CATSPERT: variants seen among roughly 807,000 people sequenced by gnomAD.
CATSPERT encodes catsper channel auxiliary subunit tau, also known as cation channel sperm-associated targeting subunit tau.
chr2:201,499,906 T>C, the CATSPERT span, among the ~76,000 whole-genome samples: 1 of 148,004 alleles, frequency 6.8e-6, no homozygotes, highest in Non-Finnish European at 1.5e-5. Flanking sequence ...TTATATATGA[T>C]ATATATATAT....
At chr2:201,521,598 A>G in the CATSPERT span, among the ~76,000 whole-genome samples, 1 of 152,210 alleles carries the variant, frequency 6.6e-6, no homozygotes, top group Non-Finnish European at 1.5e-5. Context: ...TTGACATTAC[A>G]TTTGGGTGGG....
chr2:201,543,315 C>T, the CATSPERT span, among the ~76,000 whole-genome samples: 3 of 152,098 alleles, frequency 2.0e-5, no homozygotes, highest in Admixed American at 1.3e-4. Flanking sequence ...TTTCTCAAGA[C>T]TGTTTTGACT....
the CATSPERT span, among the ~76,000 whole-genome samples, chr2:201,509,933 C>T: frequency 6.6e-6 from 1 of 150,754 alleles, no homozygotes; most frequent in Non-Finnish European, 1.5e-5. Context: ...ATAATATATA[C>T]ATTTAATTTT....
At chr2:201,551,329 G>A in the CATSPERT span, among the ~76,000 whole-genome samples, 1 of 151,154 alleles carries the variant, frequency 6.6e-6, no homozygotes, top group Non-Finnish European at 1.5e-5. Flanking sequence ...TAAAGTACTA[G>A]TCTATTTTAA....
At chr2:201,555,825 AGC>A in the CATSPERT span, 1 of 152,238 alleles carries the variant, frequency 6.6e-6, no homozygotes, top group Non-Finnish European at 1.5e-5. Context: ...GTGTAGTCAC[AGC>A]ACCATTTTCA....
At chr2:201,536,389 A>G in the CATSPERT span, 7 of 1,486,694 alleles carry the variant, frequency 4.7e-6, no homozygotes, top group Non-Finnish European at 6.3e-6. Flanking sequence ...ACAAATTAAG[A>G]AAATGACTCA....
At chr2:201,504,578 T>A in the CATSPERT span, among the ~76,000 whole-genome samples, 1 of 152,220 alleles carries the variant, frequency 6.6e-6, no homozygotes, top group South Asian at 2.1e-4. Context: ...CCCTATTCTC[T>A]GTCACATGCT....
the CATSPERT span, among the ~76,000 whole-genome samples, chr2:201,590,555 G>C: frequency 3.2e-4 from 49 of 151,854 alleles, 1 homozygote; most frequent in African/African-American, 9.4e-4. Flanking sequence ...CCTGAGGAAT[G>C]GCCACACTGA....
At chr2:201,508,757 C>T in the CATSPERT span, among the ~76,000 whole-genome samples, 1 of 151,996 alleles carries the variant, frequency 6.6e-6, no homozygotes, top group African/African-American at 2.4e-5. Flanking sequence ...GTGATGGGCT[C>T]ATTTCACTTA....
At chr2:201,576,106 G>A in the CATSPERT span, among the ~76,000 whole-genome samples, 2 of 152,164 alleles carry the variant, frequency 1.3e-5, no homozygotes, top group Admixed American at 6.5e-5. Context: ...CTTTTTGAAA[G>A]TCTTAAAGGA....
the CATSPERT span, among the ~76,000 whole-genome samples, chr2:201,613,286 C>T: frequency 6.6e-6 from 1 of 152,358 alleles, no homozygotes; most frequent in Non-Finnish European, 1.5e-5. Flanking sequence ...AGTAGCCTAA[C>T]TGGGAGACAC....
chr2:201,503,066 A>C, the CATSPERT span, among the ~76,000 whole-genome samples: 2 of 151,690 alleles, frequency 1.3e-5, no homozygotes, highest in Non-Finnish European at 2.9e-5. Flanking sequence ...TATACCCTCT[A>C]TTTTTTTCCT....
At chr2:201,541,531 T>TCATATA in the CATSPERT span, among the ~76,000 whole-genome samples, 1 of 92,768 alleles carries the variant, frequency 1.1e-5, no homozygotes, top group African/African-American at 4.5e-5. Context: ...TCAGATGATT[T>TCATATA]TATATATATA....
At chr2:201,527,630 A>C in the CATSPERT span, among the ~76,000 whole-genome samples, 1 of 152,180 alleles carries the variant, frequency 6.6e-6, no homozygotes, top group African/African-American at 2.4e-5. Context: ...CTGATTTTTG[A>C]CAAAGTCGAC....
the CATSPERT span, among the ~76,000 whole-genome samples, chr2:201,597,363 T>C: frequency 6.6e-6 from 1 of 152,220 alleles, no homozygotes; most frequent in Non-Finnish European, 1.5e-5. Context: ...CCAACTTATT[T>C]TCAGCCAAGA....
the CATSPERT span, chr2:201,582,145 G>A: frequency 1.2e-5 from 20 of 1,609,230 alleles, no homozygotes; most frequent in South Asian, 6.7e-5. Flanking sequence ...AAGAAAGCAC[G>A]TTTTTCTCTA....
At chr2:201,531,562 G>A in the CATSPERT span, among the ~76,000 whole-genome samples, 1 of 152,114 alleles carries the variant, frequency 6.6e-6, no homozygotes, top group African/African-American at 2.4e-5. Context: ...GGGTGGATGG[G>A]TAGATAATTA....
the CATSPERT span, chr2:201,493,602 A>G: frequency 1.3e-6 from 2 of 1,537,040 alleles, no homozygotes; most frequent in Non-Finnish European, 1.7e-6. Context: ...TTTCATCAGC[A>G]TTTTCTTCAT....
chr2:201,536,398 CAA>C, the CATSPERT span: 4 of 1,473,528 alleles, frequency 2.7e-6, no homozygotes, highest in African/African-American at 5.7e-5. Context: ...GAAAATGACT[CAA>C]AATCAATTGT....
Sources: allele counts gnomAD v4.1 joint callset (sites outside exome capture counted in the v4.1 genomes callset), GRCh38; gene constraint gnomAD v4.1.1; transcripts MANE v1.5; gene names NCBI Gene and HGNC (gene_info 2026-07-23, HGNC 2026-07-21).